SV2C: variants seen among roughly 807,000 people sequenced by gnomAD.
The protein encoded by SV2C is solute carrier family 22 member B3.
SV2C carries 49 observed loss-of-function variants against 79.7 expected under a neutral mutation model. That is an observed-to-expected ratio of 0.61 (90% CI 0.49 to 0.78). SV2C has a LOEUF of 0.78. Among genes scored for constraint, SV2C ranks in the 30% least tolerant of loss-of-function variants. The probability of loss-of-function intolerance (pLI) is 0.00; values close to 1 mark genes in which losing one functional copy is unlikely to be tolerated. For missense variants in SV2C, 833 were observed against 912.9 expected, an observed-to-expected ratio of 0.91 and a Z score of 1.13; for synonymous variants, 334 against 333.2, an observed-to-expected ratio of 1.00 and a Z score of -0.03.
chr5:75,998,666 G>A, the SV2C span, among the ~76,000 whole-genome samples: 1 of 151,470 alleles, frequency 6.6e-6, no homozygotes, highest in East Asian at 1.9e-4. Context: ...GTGTGAATGT[G>A]TATGTGTGTG....
At chr5:75,992,583 G>C in the SV2C span, among the ~76,000 whole-genome samples, 690 of 152,044 alleles carry the variant, frequency 4.5e-3, 5 homozygotes, top group African/African-American at 0.016. Context: ...TCCTCTTTCA[G>C]TATCTGTCAA....
At chr5:76,127,066 A>G (rs943278295) in intron 1 of SV2C, among the ~76,000 whole-genome samples, 2 of 152,230 alleles carry the variant, frequency 1.3e-5, no homozygotes, top group Non-Finnish European at 2.9e-5. Context: ...CATAAATACA[A>G]TTGTTAGAAG....
intron 4 of SV2C, among the ~76,000 whole-genome samples, chr5:76,221,477 C>T (rs947747626): frequency 2.6e-5 from 4 of 152,076 alleles, no homozygotes; most frequent in East Asian, 1.9e-4. Context: ...TTAGGGGTGC[C>T]GCCTGCTGTT....
intron 1 of SV2C, among the ~76,000 whole-genome samples, chr5:76,127,393 C>T (rs1748741831): frequency 1.3e-5 from 2 of 152,190 alleles, no homozygotes; most frequent in Admixed American, 1.3e-4. Flanking sequence ...TTATATTTTA[C>T]ATATTTGTGC....
chr5:76,048,075 T>C, the SV2C span, among the ~76,000 whole-genome samples: 13 of 152,240 alleles, frequency 8.5e-5, no homozygotes, highest in Non-Finnish European at 1.6e-4. Flanking sequence ...ACAATGTATA[T>C]ATACTTCAAA....
chr5:76,157,081 A>T (rs1353545661), intron 2 of SV2C, among the ~76,000 whole-genome samples: 1 of 152,090 alleles, frequency 6.6e-6, no homozygotes, highest in African/African-American at 2.4e-5. Context: ...AAAAAACTCC[A>T]AGGAAGATTA....
At chr5:75,877,819 A>G in the SV2C span, among the ~76,000 whole-genome samples, 4 of 152,084 alleles carry the variant, frequency 2.6e-5, no homozygotes, top group Admixed American at 1.3e-4. Context: ...ATTTTCTCGG[A>G]AACCTCATCA....
At chr5:75,999,315 TAC>T in the SV2C span, among the ~76,000 whole-genome samples, 2 of 124,702 alleles carry the variant, frequency 1.6e-5, no homozygotes, top group Non-Finnish European at 3.4e-5. Context: ...ACAGTATAGA[TAC>T]ACACACATAT....
At chr5:76,228,260 G>A (rs1479298060) in intron 4 of SV2C, among the ~76,000 whole-genome samples, 1 of 152,154 alleles carries the variant, frequency 6.6e-6, no homozygotes, top group Non-Finnish European at 1.5e-5. Flanking sequence ...AGATTCACCT[G>A]GGCGTTTCTC....
chr5:76,060,045 A>C, the SV2C span, among the ~76,000 whole-genome samples: 2 of 152,158 alleles, frequency 1.3e-5, no homozygotes, highest in African/African-American at 4.8e-5. Flanking sequence ...AGTAGGCCTC[A>C]ACAGTGCACT....
intron 4 of SV2C, among the ~76,000 whole-genome samples, chr5:76,226,964 G>A (rs79008527): frequency 0.35 from 53,003 of 151,470 alleles, 9,504 homozygotes; most frequent in African/African-American, 0.41. Flanking sequence ...AGAGTTCCAG[G>A]GACCAGAGAG....
the SV2C span, among the ~76,000 whole-genome samples, chr5:75,914,898 G>A: frequency 6.6e-6 from 1 of 152,104 alleles, no homozygotes; most frequent in Non-Finnish European, 1.5e-5. Flanking sequence ...AGATTTAATG[G>A]ACTTACAGTT....
rs1199995063 is a variant in SV2C, at chr5:76,209,778, A to G, written c.804A>G (p.Glu268=). ...AIPTVFSYFA[E]VLAREKRGEH... is the part of the protein sequence containing the mutation. ...CCACTGTGTTCTCGTACTTTGCTGA[A>G]GTCCTGGCCCGGGAAAAGCGGGGCG... Residue 268 remains glutamate (E), a synonymous_variant, in exon 4 of 13, where the codon GAA becomes GAG. Coordinates refer to ENST00000502798, the MANE Select transcript of SV2C (RefSeq NM_014979.4). 1 of 1,614,186 alleles carries G rather than the reference A, an allele frequency of 6.2e-7. No homozygotes were observed. Among genetic ancestry groups the G allele is most frequent in the African/African-American group, 1.3e-5 (1 of 75,044 alleles).
the SV2C span, among the ~76,000 whole-genome samples, chr5:75,893,450 G>T: frequency 6.6e-6 from 1 of 152,212 alleles, no homozygotes; most frequent in South Asian, 2.1e-4. Context: ...TTGCAGCAAC[G>T]TGGAAGCAGC....
intron 2 of SV2C, among the ~76,000 whole-genome samples, chr5:76,146,796 TTAAAAA>T (rs1225414736): frequency 0.02 from 1,323 of 67,104 alleles, 21 homozygotes; most frequent in Non-Finnish European, 0.027. Context: ...GAGTTTTTTT[TTAAAAA>T]AAAAAAAAAA....
intron 4 of SV2C, among the ~76,000 whole-genome samples, chr5:76,231,094 A>T (rs910090095): frequency 1.3e-5 from 2 of 149,038 alleles, no homozygotes; most frequent in Non-Finnish European, 2.9e-5. Flanking sequence ...TGAATACAGT[A>T]TAGCCACAGT....
the SV2C span, among the ~76,000 whole-genome samples, chr5:75,953,338 T>C: frequency 0.37 from 56,385 of 151,616 alleles, 11,410 homozygotes; most frequent in African/African-American, 0.5. Context: ...GGTCACATTT[T>C]GACATGAAGT....
In SV2C at chr5:76,325,726, G is replaced by GTTGT; in HGVS notation, c.*190_*193dup. 2.3e-6 allele frequency: 2 copies of GTTGT among 867,406 alleles called. No homozygotes were observed. The highest frequency in any genetic ancestry group is 2.2e-5 in the South Asian group (1 of 45,598). The allele number at this position is 867,406 out of a possible 1,614,324, so 53.7% of individuals were successfully genotyped here. On this transcript the variant is annotated 3_prime_UTR_variant, in exon 13 of 13. Coordinates refer to ENST00000502798, the MANE Select transcript of SV2C (RefSeq NM_014979.4). ...CTTGCCCCTTTGTGATTTTGCACAG[G>GTTGT]TTGTTTGTTTGTTTTGTTTTGTTTG... is the stretch of plus-strand genomic sequence containing the variant.
chr5:76,203,699 A>C lies in SV2C; in HGVS notation c.762-6037A>C, dbSNP rs989925356. Among the ~76,000 whole-genome samples, 8 of 152,210 alleles carry C rather than the reference A, an allele frequency of 5.3e-5. No homozygotes were observed. The South Asian group carries it at 1.7e-3, about 32-fold the overall frequency. Reference sequence around the variant, plus strand: ...TTTTCTTGGCAATGCAGTTTTCCCCACAAATTATATACTTAAAGATCAATA... The same window carrying C: ...TTTTCTTGGCAATGCAGTTTTCCCCCCAAATTATATACTTAAAGATCAATA... On this transcript the variant is annotated intron_variant, in intron 3 of 12. Coordinates refer to ENST00000502798, the MANE Select transcript of SV2C (RefSeq NM_014979.4).
Sources: gnomAD v4.1 joint callset for allele counts (sites outside exome capture counted in the v4.1 genomes callset) on GRCh38, gnomAD v4.1.1 for gene constraint, MANE v1.5 for transcripts, NCBI Gene and HGNC (gene_info 2026-07-23, HGNC 2026-07-21) for gene names.